FBXO4: variants seen among roughly 807,000 people sequenced by gnomAD.
The protein encoded by FBXO4 is F-box protein 4.
In FBXO4, 36 loss-of-function variants were observed where a neutral mutation model predicts 43.7. That is an observed-to-expected ratio of 0.82 (90% CI 0.63 to 1.09). FBXO4 has a LOEUF of 1.09. Among genes scored for constraint, FBXO4 ranks in the 50% least tolerant of loss-of-function variants. The pLI is 0.00. For missense variants in FBXO4, 435 were observed against 474.1 expected (o/e 0.92, Z 0.77); for synonymous variants, 180 against 165.6 (o/e 1.09, Z -0.67).
At chr5:42,029,334 AT>A in the FBXO4 span, among the ~76,000 whole-genome samples, 1 of 151,862 alleles carries the variant, frequency 6.6e-6, no homozygotes, top group East Asian at 1.9e-4. Flanking sequence ...TCCATTGTAT[AT>A]TATCTGTTTC....
chr5:42,016,837 C>T, the FBXO4 span, among the ~76,000 whole-genome samples: 961 of 152,104 alleles, frequency 6.3e-3, 9 homozygotes, highest in Middle Eastern at 0.027. Flanking sequence ...ACTTAGTTTT[C>T]AATTTTATCC....
At chr5:41,936,047 G>A (rs73082214) in intron 5 of FBXO4, among the ~76,000 whole-genome samples, 8,101 of 152,286 alleles carry the variant, frequency 0.053, 744 homozygotes, top group African/African-American at 0.18. Context: ...TACCCTGACC[G>A]AAGTATGATG....
the FBXO4 span, among the ~76,000 whole-genome samples, chr5:42,014,805 C>G: frequency 1.3e-5 from 2 of 152,084 alleles, no homozygotes; most frequent in African/African-American, 4.8e-5. Context: ...ACATCCTCCT[C>G]TAAGCTAGAT....
At chr5:41,949,845 T>C in the FBXO4 span, among the ~76,000 whole-genome samples, 1 of 152,190 alleles carries the variant, frequency 6.6e-6, no homozygotes, top group Non-Finnish European at 1.5e-5. Context: ...CAAAACAGCA[T>C]GGTACTGGTA....
chr5:41,979,530 G>A, the FBXO4 span, among the ~76,000 whole-genome samples: 1 of 152,166 alleles, frequency 6.6e-6, no homozygotes, highest in Non-Finnish European at 1.5e-5. Context: ...ACTTTGTAGT[G>A]TTTGATGATA....
At chr5:41,983,608 A>ATTT in the FBXO4 span, among the ~76,000 whole-genome samples, 1 of 152,006 alleles carries the variant, frequency 6.6e-6, no homozygotes, top group Non-Finnish European at 1.5e-5. Flanking sequence ...CTTTTCCTAA[A>ATTT]TGTCTTGGCC....
chr5:41,938,340 A>G (rs1751904692), intron 5 of FBXO4, among the ~76,000 whole-genome samples: 1 of 152,174 alleles, frequency 6.6e-6, no homozygotes, highest in Non-Finnish European at 1.5e-5. Flanking sequence ...TTCAACAGCT[A>G]CTAAAAAATG....
the FBXO4 span, among the ~76,000 whole-genome samples, chr5:42,031,261 T>C: frequency 1.3e-5 from 2 of 152,100 alleles, no homozygotes; most frequent in Non-Finnish European, 2.9e-5. Flanking sequence ...ATATACACCA[T>C]GGAATACTAT....
At chr5:41,990,348 A>C in the FBXO4 span, among the ~76,000 whole-genome samples, 1 of 152,242 alleles carries the variant, frequency 6.6e-6, no homozygotes, top group Non-Finnish European at 1.5e-5. Context: ...CAGCCTATAT[A>C]GAATAAAGTA....
intron 6 of FBXO4, among the ~76,000 whole-genome samples, 179 bp from the exon 7 acceptor site, chr5:41,941,013 G>A (rs761894541): frequency 1.6e-4 from 25 of 152,142 alleles, no homozygotes; most frequent in Non-Finnish European, 3.4e-4. Flanking sequence ...AGTTACAAGA[G>A]AGATGATCAT....
chr5:42,004,367 A>G, the FBXO4 span, among the ~76,000 whole-genome samples: 1 of 152,206 alleles, frequency 6.6e-6, no homozygotes, highest in South Asian at 2.1e-4. Context: ...GTGTGAGAGA[A>G]AGTGGGTAAT....
At chr5:41,962,939 C>T in the FBXO4 span, among the ~76,000 whole-genome samples, 1 of 152,162 alleles carries the variant, frequency 6.6e-6, no homozygotes, top group Admixed American at 6.5e-5. Flanking sequence ...ATGACAGAAA[C>T]TGTTAGATTT....
chr5:41,945,286 A>G (rs895691913), downstream of FBXO4, among the ~76,000 whole-genome samples: 2 of 152,228 alleles, frequency 1.3e-5, no homozygotes. Context: ...CATTAAGAAC[A>G]GTGGTTGGAA....
chr5:42,022,795 A>G, the FBXO4 span, among the ~76,000 whole-genome samples: 3 of 152,062 alleles, frequency 2.0e-5, no homozygotes, highest in Non-Finnish European at 4.4e-5. Context: ...TTGTAGATAT[A>G]TGACAGCTGA....
At chr5:41,935,830 C>T (rs766638022) in intron 5 of FBXO4, among the ~76,000 whole-genome samples, 1 of 152,156 alleles carries the variant, frequency 6.6e-6, no homozygotes, top group Non-Finnish European at 1.5e-5. Flanking sequence ...ACCCCCATGG[C>T]ACAGTTAACA....
the FBXO4 span, among the ~76,000 whole-genome samples, chr5:42,015,161 T>G: frequency 2.6e-5 from 4 of 152,368 alleles, no homozygotes; most frequent in African/African-American, 9.6e-5. Context: ...ATTATTGCTA[T>G]GCACAACAAT....
the FBXO4 span, among the ~76,000 whole-genome samples, chr5:41,961,305 T>A: frequency 6.6e-6 from 1 of 152,102 alleles, no homozygotes; most frequent in African/African-American, 2.4e-5. Flanking sequence ...TTTCTCTCAC[T>A]GGGGAAGTTG....
At chr5:42,040,160 A>C in the FBXO4 span, among the ~76,000 whole-genome samples, 2 of 152,076 alleles carry the variant, frequency 1.3e-5, no homozygotes, top group African/African-American at 4.8e-5. Flanking sequence ...TCCCTTTTGC[A>C]AGATGTATCC....
the FBXO4 span, among the ~76,000 whole-genome samples, chr5:41,988,633 G>A: frequency 1.1e-4 from 16 of 152,022 alleles, no homozygotes; most frequent in Admixed American, 5.2e-4. Context: ...TGGAGGTTGC[G>A]GCTCATGAGT....
Sources: gnomAD v4.1 joint callset for allele counts (sites outside exome capture counted in the v4.1 genomes callset) on GRCh38, gnomAD v4.1.1 for gene constraint, MANE v1.5 for transcripts, NCBI Gene and HGNC (gene_info 2026-07-23, HGNC 2026-07-21) for gene names.